Variants in MEIS1 observed in about 807,000 individuals in gnomAD.
MEIS1 encodes the protein Meis homeobox 1.
Under a neutral mutation model 50.8 loss-of-function variants are expected in MEIS1, and 5 were observed. That is an observed-to-expected ratio of 0.10 (90% CI 0.05 to 0.21). The LOEUF (loss-of-function observed/expected upper bound fraction) is 0.21. MEIS1 is among the 10% of genes least tolerant of loss of function. The pLI is 1.00. For synonymous variants in MEIS1, 176 were observed against 179.3 expected (o/e 0.98, Z 0.15); for missense variants, 318 against 517.3 (o/e 0.61, Z 3.74).
intron 7 of MEIS1, among the ~76,000 whole-genome samples, chr2:66,481,121 C>T (rs1558534071): frequency 6.6e-6 from 1 of 152,304 alleles, no homozygotes; most frequent in Non-Finnish European, 1.5e-5. Context: ...TCCCCTGCAG[C>T]AGGAGGGCAC....
At chr2:66,519,469 T>C (rs1026776368) in intron 8 of MEIS1, among the ~76,000 whole-genome samples, 4 of 151,972 alleles carry the variant, frequency 2.6e-5, no homozygotes, top group Non-Finnish European at 4.4e-5. Context: ...GTCACTTCAG[T>C]GTGTCAAGAG....
Position 66,499,668 on chromosome 2 carries a change from C to T in MEIS1, c.743-12481C>T, listed in dbSNP as rs184688880. Among the ~76,000 whole-genome samples, 502 of 138,994 alleles carry T rather than the reference C, an allele frequency of 3.6e-3. 3 individuals are homozygous for T. Among genetic ancestry groups the T allele is most frequent in the Non-Finnish European group, 5.7e-4 (38 of 66,184 alleles). The allele number at this position is 138,994 out of a possible 152,430, so 91.2% of individuals were successfully genotyped here. On this transcript the variant is annotated intron_variant, in intron 7 of 12. Transcript: ENST00000272369. ...GGAGGCTCTGGTCTGTCTAGCCACACAGACCAGTGAAGTGAGGGTACATAG... is the reference window on the plus strand; with the variant it reads ...GGAGGCTCTGGTCTGTCTAGCCACATAGACCAGTGAAGTGAGGGTACATAG...
At chr2:66,494,573 C>T (rs1045534077) in intron 7 of MEIS1, among the ~76,000 whole-genome samples, 2 of 152,182 alleles carry the variant, frequency 1.3e-5, no homozygotes, top group African/African-American at 4.8e-5. Flanking sequence ...TGCATATAAA[C>T]AGGCCGTGTA....
intron 9 of MEIS1, 76 bp downstream of exon 9, chr2:66,548,095 G>A: frequency 7.0e-7 from 1 of 1,433,686 alleles, no homozygotes; most frequent in Non-Finnish European, 9.7e-7. Context: ...TTTGCATTAA[G>A]AAGACACACC....
intron 9 of MEIS1, among the ~76,000 whole-genome samples, chr2:66,555,245 G>A (rs1479498573): frequency 2.3e-5 from 3 of 130,422 alleles, no homozygotes; most frequent in Admixed American, 1.7e-4. Context: ...TTGTGGTTGT[G>A]TGTACGTGTT....
chr2:66,490,461 A>G (rs61243979), intron 7 of MEIS1, among the ~76,000 whole-genome samples: 7,699 of 150,348 alleles, frequency 0.051, 645 homozygotes, highest in African/African-American at 0.18. Context: ...TATGTTATGG[A>G]CTTGCAAGCT....
At chr2:66,443,607 G>C (rs1672053947) in intron 6 of MEIS1, 1 of 152,808 alleles carries the variant, frequency 6.5e-6, no homozygotes, top group Non-Finnish European at 1.5e-5. Flanking sequence ...ACATTGCTTT[G>C]TGTGGTGTTC....
At position 66,445,196 on chromosome 2, in the gene MEIS1, G is replaced by C. The variant is rs578189112; in HGVS notation, c.630+2148G>C. 2.6e-5 allele frequency: 4 copies of C among 152,354 alleles called. No individual in the cohort carries two copies. The South Asian group carries it at 8.3e-4, about 32-fold the overall frequency. 9.4% of individuals were successfully genotyped at this position (152,354 alleles called of 1,614,324 possible). On this transcript the variant is annotated intron_variant, in intron 6 of 12. Transcript: ENST00000272369. ...GGTTAAGAGTGGGCTTCGAAGCTTT[G>C]GCTGAGCTCGTGGCGCTGTTGGCCT...
Position 66,490,628 on chromosome 2 carries a change from A to T in MEIS1, c.743-21521A>T, listed in dbSNP as rs564336480. 4.6e-5 allele frequency among the ~76,000 whole-genome samples: 7 copies of T among 152,242 alleles called. No individual in the cohort carries two copies. In the South Asian group the frequency reaches 1.5e-3, roughly 32 times the overall value. On this transcript the variant is annotated intron_variant, in intron 7 of 12. Coordinates refer to ENST00000272369, the MANE Select transcript of MEIS1 (RefSeq NM_002398.3). ...TTTCTTTCAATGATTCAAGCCATGC[A>T]TAGGTTTTTTCCCCCATTGCAATAT...
chr2:66,497,869 T>G (rs535228774), intron 7 of MEIS1, among the ~76,000 whole-genome samples: 6 of 152,216 alleles, frequency 3.9e-5, no homozygotes, highest in Admixed American at 2.0e-4. Flanking sequence ...CAATGTATCC[T>G]CATCCACCAA....
intron 9 of MEIS1, among the ~76,000 whole-genome samples, chr2:66,550,560 T>C (rs1025282757): frequency 2.6e-5 from 4 of 152,082 alleles, no homozygotes; most frequent in Non-Finnish European, 5.9e-5. Context: ...TGCAGTGGTG[T>C]GAACATGGCT....
intron 6 of MEIS1, among the ~76,000 whole-genome samples, chr2:66,452,753 A>G (rs181977854): frequency 1.3e-5 from 2 of 152,070 alleles, no homozygotes; most frequent in Admixed American, 6.5e-5. Flanking sequence ...TGTTGTTCAT[A>G]AAGTTTGTAG....
At chr2:66,439,213 T>G (rs1671884443) in intron 2 of MEIS1, 2 of 937,434 alleles carry the variant, frequency 2.1e-6, no homozygotes, top group East Asian at 1.0e-4. Flanking sequence ...GAACTTTCTT[T>G]GGGGGGCGGT....
intron 8 of MEIS1, among the ~76,000 whole-genome samples, chr2:66,518,587 GTCT>G (rs974150161): frequency 3.5e-4 from 53 of 152,230 alleles, no homozygotes; most frequent in African/African-American, 1.3e-3. Context: ...TCAATATCAT[GTCT>G]TCTTTTTATT....
intron 7 of MEIS1, among the ~76,000 whole-genome samples, chr2:66,487,355 T>C (rs1673167205): frequency 6.6e-6 from 1 of 152,216 alleles, no homozygotes; most frequent in Admixed American, 6.5e-5. Context: ...TCTTTGTCTA[T>C]ATACATGGAT....
At position 66,461,724 on chromosome 2, in the gene MEIS1, C is replaced by T. The variant is rs189278470; in HGVS notation, c.631-2385C>T. The T allele has an allele frequency of 1.6e-4, 53 of 337,622 alleles. No individual in the cohort carries two copies. In the East Asian group the frequency reaches 3.5e-3, roughly 23 times the overall value. The allele number at this position is 337,622 out of a possible 1,614,324, so 20.9% of individuals were successfully genotyped here. On this transcript the variant is annotated intron_variant, in intron 6 of 12. Coordinates refer to ENST00000272369, the MANE Select transcript of MEIS1 (RefSeq NM_002398.3). ...TTGCATGAATTCCTGTATAATGTGG[C>T]GATAGCTGTGAGAAAAGAGGAGCCC... is the stretch of plus-strand genomic sequence containing the variant.
At chr2:66,537,982 G>A (rs1674561194) in intron 8 of MEIS1, among the ~76,000 whole-genome samples, 1 of 152,182 alleles carries the variant, frequency 6.6e-6, no homozygotes, top group African/African-American at 2.4e-5. Context: ...ATGTTCAAGT[G>A]AAATTCTTGG....
chr2:66,467,029 C>CAGTGGAGG (rs1335676361), intron 7 of MEIS1, among the ~76,000 whole-genome samples: 2 of 151,764 alleles, frequency 1.3e-5, no homozygotes, highest in African/African-American at 4.8e-5. Context: ...TGTTAAATAA[C>CAGTGGAGG]CTTATCTGCT....
chr2:66,561,740 G>A lies in MEIS1; in HGVS notation c.966-5713G>A, dbSNP rs565520515. ...TAGGTACTTGCAGATGTTGTAAAAT[G>A]ATATTTCTCTGTCTAGTTAGGAACC... On this transcript the variant is annotated intron_variant, in intron 9 of 12. Coordinates refer to ENST00000272369, the MANE Select transcript of MEIS1 (RefSeq NM_002398.3). Among the ~76,000 whole-genome samples the A allele has an allele frequency of 4.3e-4, 66 of 152,082 alleles. 1 individual carries two copies. Among genetic ancestry groups the A allele is most frequent in the Admixed American group, 7.2e-4 (11 of 15,260 alleles).
Sources: allele counts gnomAD v4.1 joint callset (sites outside exome capture counted in the v4.1 genomes callset), GRCh38; gene constraint gnomAD v4.1.1; transcripts MANE v1.5; gene names NCBI Gene and HGNC (gene_info 2026-07-23, HGNC 2026-07-21).